The following BCL2L13 variants were observed in gnomAD, a reference collection of about 807,000 sequenced individuals.
The protein encoded by BCL2L13 is bcl-2-like protein 13.
BCL2L13 carries 13 observed loss-of-function variants against 25.8 expected under a neutral mutation model. That is an observed-to-expected ratio of 0.50 (90% CI 0.33 to 0.80). BCL2L13 has a LOEUF of 0.80. BCL2L13 is among the 30% of genes least tolerant of loss of function. The pLI is 0.02. For synonymous variants in BCL2L13, 244 were observed against 230.3 expected, an observed-to-expected ratio of 1.06 and a Z score of -0.54; for missense variants, 504 against 574.9, an observed-to-expected ratio of 0.88 and a Z score of 1.26.
chr22:17,674,377 C>CA, intron 2 of BCL2L13, among the ~76,000 whole-genome samples: 1 of 152,030 alleles, frequency 6.6e-6, no homozygotes, highest in African/African-American at 2.4e-5. Context: ...GAGGCTGAGG[C>CA]GGGCGGATCA....
intron 6 of BCL2L13, among the ~76,000 whole-genome samples, chr22:17,704,796 G>T (rs1240660172): frequency 6.6e-6 from 1 of 152,094 alleles, no homozygotes; most frequent in Admixed American, 6.5e-5. Flanking sequence ...TTTACTTTGT[G>T]TAGATCCATT....
chr22:17,677,031 G>A (rs1453452488), intron 2 of BCL2L13, among the ~76,000 whole-genome samples: 2 of 152,228 alleles, frequency 1.3e-5, no homozygotes, highest in African/African-American at 4.8e-5. Context: ...GTGACATTGA[G>A]GAGATCCTTT....
Position 17,728,828 on chromosome 22 carries a change from A to G in BCL2L13, c.*1294A>G, listed in dbSNP as rs1312563897. Reference sequence around the variant, plus strand: ...TTCTTCAATGCCAGGGTAATAAACCAAAATAGTCCTAATCAGTATATGCTA... The same window carrying G: ...TTCTTCAATGCCAGGGTAATAAACCGAAATAGTCCTAATCAGTATATGCTA... On this transcript the variant is annotated 3_prime_UTR_variant, in exon 7 of 7. Coordinates refer to ENST00000317582, the MANE Select transcript of BCL2L13 (RefSeq NM_015367.4). The G allele has an allele frequency of 6.6e-6, 1 of 152,256 alleles. No individual in the cohort carries two copies. 9.4% of individuals were successfully genotyped at this position (152,256 alleles called of 1,614,324 possible).
intron 5 of BCL2L13, among the ~76,000 whole-genome samples, chr22:17,698,513 G>T (rs550403897): frequency 1.5e-5 from 2 of 135,964 alleles, no homozygotes; most frequent in South Asian, 5.1e-4. Context: ...TTACGCCCAG[G>T]AGTTTGAGAC....
chr22:17,709,098 T>A (rs1273052542), intron 6 of BCL2L13, among the ~76,000 whole-genome samples: 1 of 151,926 alleles, frequency 6.6e-6, no homozygotes, highest in Admixed American at 6.6e-5. Context: ...TAGCTGGGCG[T>A]GGTGGCAGGC....
chr22:17,684,276 C>G (rs1032961598), intron 3 of BCL2L13, among the ~76,000 whole-genome samples: 10 of 152,078 alleles, frequency 6.6e-5, no homozygotes, highest in African/African-American at 2.2e-4. Flanking sequence ...CAAAACCACA[C>G]TGGGCAACAT....
intron 2 of BCL2L13, among the ~76,000 whole-genome samples, chr22:17,667,755 C>T (rs1046620203): frequency 2.0e-4 from 31 of 152,140 alleles, no homozygotes; most frequent in African/African-American, 7.0e-4. Flanking sequence ...GTGATCTGCC[C>T]GCCTTGGCCT....
intron 1 of BCL2L13, among the ~76,000 whole-genome samples, chr22:17,646,299 T>G (rs1318340552): frequency 6.6e-6 from 1 of 151,510 alleles, no homozygotes. Context: ...CAGGCTGGAG[T>G]GCAATGGCAC....
chr22:17,709,119 C>T (rs1212195732), intron 6 of BCL2L13, among the ~76,000 whole-genome samples: 1 of 152,038 alleles, frequency 6.6e-6, no homozygotes, highest in Admixed American at 6.6e-5. Context: ...ACCTGTAGTC[C>T]CAGCTACTCG....
upstream of BCL2L13, chr22:17,638,622 C>T: frequency 8.4e-7 from 1 of 1,192,666 alleles, no homozygotes; most frequent in Non-Finnish European, 1.0e-6. Context: ...TTTGGGTCTT[C>T]AGGTCACATC....
At chr22:17,654,061 T>G (rs892851356) in intron 1 of BCL2L13, among the ~76,000 whole-genome samples, 1 of 152,126 alleles carries the variant, frequency 6.6e-6, no homozygotes, top group Admixed American at 6.6e-5. Flanking sequence ...TAAATGTGTG[T>G]TGAATGAACA....
In BCL2L13 at chr22:17,689,716, G is replaced by A. The variant is rs1026079579; in HGVS notation, c.386+574G>A. Among the ~76,000 whole-genome samples, 16 of 152,030 alleles carry A rather than the reference G, an allele frequency of 1.1e-4. No homozygotes were observed. In the East Asian group the frequency reaches 3.1e-3, roughly 29 times the overall value. On this transcript the variant is annotated intron_variant, in intron 4 of 6. Coordinates refer to ENST00000317582, the MANE Select transcript of BCL2L13 (RefSeq NM_015367.4). ...AACTTAGCCGGGCATGGTGGCGCAT[G>A]CCTCTAGTCCCAGCTACTCGAGAGA...
rs542245000 is a variant in BCL2L13 at position 17,659,433 on chromosome 22, G to A, written c.121+3601G>A. Among the ~76,000 whole-genome samples, 41 of 145,322 alleles carry A rather than the reference G, an allele frequency of 2.8e-4. 2 individuals carry two copies. Among genetic ancestry groups the A allele is most frequent in the African/African-American group, 9.7e-4 (40 of 41,040 alleles). On this transcript the variant is annotated intron_variant, in intron 2 of 6. Transcript: ENST00000317582. ...TCCCAGCATTTCGGGAGGCTGAGGC[G>A]GGTGGATCACGAGGTCAGGAGATCG...
intron 2 of BCL2L13, among the ~76,000 whole-genome samples, chr22:17,681,407 G>A (rs764363684): frequency 4.0e-5 from 6 of 151,890 alleles, no homozygotes; most frequent in Non-Finnish European, 8.8e-5. Context: ...TTGGGAGCAG[G>A]AGAATGGCGT....
At chr22:17,705,202 G>T (rs938149575) in intron 6 of BCL2L13, among the ~76,000 whole-genome samples, 1 of 151,936 alleles carries the variant, frequency 6.6e-6, no homozygotes, top group African/African-American at 2.4e-5. Flanking sequence ...AAACCAGGGA[G>T]GCAGAAGTTT....
At chr22:17,724,588 A>G (rs1409808532) in intron 6 of BCL2L13, among the ~76,000 whole-genome samples, 1 of 151,970 alleles carries the variant, frequency 6.6e-6, no homozygotes, top group Non-Finnish European at 1.5e-5. Context: ...TGTATTTCTT[A>G]TTTCCTTTTT....
intron 5 of BCL2L13, among the ~76,000 whole-genome samples, chr22:17,696,561 G>T (rs1032259528): frequency 6.6e-6 from 1 of 152,120 alleles, no homozygotes; most frequent in Non-Finnish European, 1.5e-5. Flanking sequence ...TTGGGAGGTA[G>T]CCTCTTCCTG....
chr22:17,630,591 CTTT>C (rs568905142), intron 1 of BCL2L13, among the ~76,000 whole-genome samples: 2 of 120,554 alleles, frequency 1.7e-5, no homozygotes, highest in African/African-American at 3.2e-5. Context: ...TTTTTCTTTT[CTTT>C]TTTTTTTTTT....
chr22:17,636,456 C>A (rs1255424055), upstream of BCL2L13, among the ~76,000 whole-genome samples: 1 of 152,018 alleles, frequency 6.6e-6, no homozygotes, highest in Non-Finnish European at 1.5e-5. Flanking sequence ...TGTACCACTG[C>A]ACTCCAGGCT....
Sources: gnomAD v4.1 joint callset for allele counts (sites outside exome capture counted in the v4.1 genomes callset) on GRCh38, gnomAD v4.1.1 for gene constraint, MANE v1.5 for transcripts, NCBI Gene and HGNC (gene_info 2026-07-23, HGNC 2026-07-21) for gene names.